The following CACNA1C variants were observed in gnomAD, a reference collection of about 807,000 sequenced individuals.
CACNA1C encodes the protein voltage-dependent L-type calcium channel subunit alpha-1C.
Under a neutral mutation model 229.0 loss-of-function variants are expected in CACNA1C, and 30 were observed. The observed-to-expected ratio is 0.13, with a 90% CI of 0.10 to 0.18. The LOEUF (loss-of-function observed/expected upper bound fraction) is 0.18, where lower values mean the gene tolerates loss of function less well. Among genes scored for constraint, CACNA1C ranks in the 10% least tolerant of loss-of-function variants. The pLI is 1.00. For missense variants in CACNA1C, 1,658 were observed against 2,845.0 expected (o/e 0.58, Z 9.49); for synonymous variants, 1,114 against 1,132.5 (o/e 0.98, Z 0.33).
At chr12:2,513,651 C>G (rs138725839) in intron 9 of CACNA1C, among the ~76,000 whole-genome samples, 86 of 152,330 alleles carry the variant, frequency 5.6e-4, no homozygotes, top group Admixed American at 2.0e-3. Context: ...ATGACATTGA[C>G]TCACAAATAC....
Position 2,696,499 on chromosome 12 carries a change from G to GA in CACNA1C, c.*5301dup, listed in dbSNP as rs2097843206. On this transcript the variant is annotated 3_prime_UTR_variant, in exon 47 of 47. Coordinates refer to ENST00000399655, the MANE Select transcript of CACNA1C (RefSeq NM_000719.7). ...GATCTAAGGAATTTGACTTTGTAGG[G>GA]ATCCCAGAAAGGGCACTGTGCCACT... The GA allele has an allele frequency of 1.3e-5, 2 of 151,828 alleles. No individual in the cohort carries two copies. Among genetic ancestry groups the GA allele is most frequent in the African/African-American group, 4.8e-5 (2 of 41,398 alleles). The allele number at this position is 151,828 out of a possible 1,614,324, so 9.4% of individuals were successfully genotyped here. A position where few individuals can be genotyped will look rare whatever the true frequency, so the allele number is the denominator to read the frequency against.
intron 3 of CACNA1C, among the ~76,000 whole-genome samples, chr12:2,269,116 C>T (rs1296564683): frequency 6.6e-6 from 1 of 152,186 alleles, no homozygotes; most frequent in African/African-American, 2.4e-5. Context: ...TTTGTCAAAA[C>T]ACTGACAGTT....
intron 3 of CACNA1C, among the ~76,000 whole-genome samples, chr12:2,204,648 A>G (rs2097697616): frequency 1.3e-5 from 2 of 151,148 alleles, no homozygotes; most frequent in Non-Finnish European, 2.9e-5. Flanking sequence ...TTGTAGGGAC[A>G]TGGATGAAAT....
rs375619586 is a variant in CACNA1C, at chr12:2,298,206, A to C, written c.478-150770A>C. On this transcript the variant is annotated intron_variant, in intron 3 of 46. Coordinates refer to ENST00000399655, the MANE Select transcript of CACNA1C (RefSeq NM_000719.7). ...AGAGCACCCTGCCCTCCCCATGACAAGTGCTCAGCAATAGTCTCAGCCTTC... is the reference window on the plus strand; with the variant it reads ...AGAGCACCCTGCCCTCCCCATGACACGTGCTCAGCAATAGTCTCAGCCTTC... Among the ~76,000 whole-genome samples, 178 of 152,338 alleles carry C rather than the reference A, an allele frequency of 1.2e-3. 9 individuals are homozygous for C. The South Asian group carries it at 0.035, about 30-fold the overall frequency.
chr12:2,344,468 G>T (rs1238889766), intron 3 of CACNA1C, among the ~76,000 whole-genome samples: 1 of 151,848 alleles, frequency 6.6e-6, no homozygotes, highest in Non-Finnish European at 1.5e-5. Context: ...TCTTATTAGG[G>T]GCATTTGCAT....
At chr12:2,236,478 A>G (rs1453879896) in intron 3 of CACNA1C, among the ~76,000 whole-genome samples, 1 of 152,204 alleles carries the variant, frequency 6.6e-6, no homozygotes, top group Non-Finnish European at 1.5e-5. Flanking sequence ...GTTAGTAATC[A>G]ATTTTTTGTT....
chr12:2,356,062 G>A (rs568745447), intron 3 of CACNA1C, among the ~76,000 whole-genome samples: 10 of 152,322 alleles, frequency 6.6e-5, no homozygotes, highest in African/African-American at 2.4e-4. Flanking sequence ...AATTCATTTA[G>A]TTAAATGGAA....
At chr12:2,520,775 T>G (rs1056561429) in intron 9 of CACNA1C, among the ~76,000 whole-genome samples, 2 of 142,556 alleles carry the variant, frequency 1.4e-5, no homozygotes, top group Non-Finnish European at 3.0e-5. Flanking sequence ...GGCCGTGTGC[T>G]TCATAGGAGG....
chr12:2,646,187 GAA>G lies in CACNA1C; in HGVS notation c.3913-2283_3913-2282del, dbSNP rs2094336221. Among the ~76,000 whole-genome samples, 1 of 152,202 alleles carries G rather than the reference GAA, an allele frequency of 6.6e-6. No individual in the cohort carries two copies. Among genetic ancestry groups the G allele is most frequent in the Admixed American group, 6.5e-5 (1 of 15,292 alleles). ...AAATGGGAGCTATAAAATGCAACAAGAAAAAAGACAGTTAAGACAAATGTTTA... is the reference window on the plus strand; with the variant it reads ...AAATGGGAGCTATAAAATGCAACAAGAAAAGACAGTTAAGACAAATGTTTA... On this transcript the variant is annotated intron_variant, in intron 30 of 46. Transcript: ENST00000399655. The surrounding 1 kb of genome is among the most constrained non-coding windows in gnomAD (Gnocchi z 4.6).
At chr12:2,291,684 G>A (rs536570224) in intron 3 of CACNA1C, among the ~76,000 whole-genome samples, 2 of 152,296 alleles carry the variant, frequency 1.3e-5, no homozygotes, top group South Asian at 4.1e-4. Flanking sequence ...GTTTGGAAGT[G>A]CCTGTTCTGG....
intron 3 of CACNA1C, among the ~76,000 whole-genome samples, chr12:2,276,981 T>G (rs939719959): frequency 3.9e-5 from 6 of 152,140 alleles, no homozygotes; most frequent in Admixed American, 1.3e-4. Context: ...CCAGCGCCTC[T>G]GCCACGGCCT....
intron 1 of CACNA1C, among the ~76,000 whole-genome samples, chr12:2,036,269 G>A (rs1186653810): frequency 3.9e-5 from 6 of 152,190 alleles, no homozygotes; most frequent in Non-Finnish European, 8.8e-5. Flanking sequence ...CCGTGGGAAG[G>A]AATGAGCAGT....
At chr12:2,534,183 G>A (rs972731719) in intron 9 of CACNA1C, among the ~76,000 whole-genome samples, 4 of 152,170 alleles carry the variant, frequency 2.6e-5, no homozygotes, top group African/African-American at 9.7e-5. Flanking sequence ...AAGCGCCCTG[G>A]ATGCATTAAG....
intron 11 of CACNA1C, among the ~76,000 whole-genome samples, chr12:2,557,772 C>T (rs2045258229): frequency 6.6e-6 from 1 of 152,242 alleles, no homozygotes; most frequent in Admixed American, 6.5e-5. Context: ...TCTGTCACAG[C>T]ACTCAGCACA....
chr12:2,481,070 C>G (rs1260552353), intron 5 of CACNA1C, among the ~76,000 whole-genome samples: 2 of 152,116 alleles, frequency 1.3e-5, no homozygotes, highest in Non-Finnish European at 2.9e-5. Context: ...ACCTTCCAGC[C>G]CCAGGAAGTT....
chr12:2,574,511 T>C (rs763854886), intron 13 of CACNA1C, among the ~76,000 whole-genome samples: 20 of 152,290 alleles, frequency 1.3e-4, no homozygotes, highest in African/African-American at 4.8e-4. Context: ...CTGCTGCTCC[T>C]CCCCTGCAGC....
intron 5 of CACNA1C, among the ~76,000 whole-genome samples, chr12:2,474,411 T>A (rs145707391): frequency 9.9e-5 from 15 of 152,120 alleles, no homozygotes; most frequent in Non-Finnish European, 2.1e-4. Flanking sequence ...TGGGAGTGAG[T>A]GTGGCAGGAA....
At chr12:2,083,204 T>A (rs756685593) in intron 1 of CACNA1C, among the ~76,000 whole-genome samples, 1 of 152,250 alleles carries the variant, frequency 6.6e-6, no homozygotes, top group Non-Finnish European at 1.5e-5. Flanking sequence ...GATTCCTGAT[T>A]TAAACTGTCA....
intron 1 of CACNA1C, among the ~76,000 whole-genome samples, chr12:2,106,536 C>T (rs1303469247): frequency 1.7e-5 from 2 of 116,256 alleles, no homozygotes; most frequent in African/African-American, 6.5e-5. Context: ...ACTGGGCGCC[C>T]ACCCTGGAGA....
Sources: gnomAD v4.1 joint callset for allele counts (sites outside exome capture counted in the v4.1 genomes callset) on GRCh38, gnomAD v4.1.1 for gene constraint, Gnocchi (gnomAD v3.1) non-coding constraint, MANE v1.5 for transcripts, NCBI Gene and HGNC (gene_info 2026-07-23, HGNC 2026-07-21) for gene names.